SUGP2: variants seen among roughly 807,000 people sequenced by gnomAD.
SUGP2 encodes the protein SURP and G-patch domain-containing protein 2.
A neutral mutation model predicts 90.5 loss-of-function variants in SUGP2; 24 were observed. That is an observed-to-expected ratio of 0.27 (90% CI 0.19 to 0.37). SUGP2 has a LOEUF of 0.37. Ranked by LOEUF, SUGP2 falls within the 10% of genes least tolerant of loss-of-function variation. SUGP2 has a pLI of 1.00. For missense variants in SUGP2, 1,233 were observed against 1,363.3 expected, an observed-to-expected ratio of 0.90 and a Z score of 1.51; for synonymous variants, 473 against 513.4, an observed-to-expected ratio of 0.92 and a Z score of 1.06.
In SUGP2 at chr19:19,025,658, C is replaced by G; in HGVS notation, c.690G>C (p.Glu230Asp). The change falls in exon 3 of 11, where the codon GAG (glutamate) becomes GAC (aspartate). Residue 230 changes from glutamate to aspartate, a missense_variant. Physicochemically the swap from Glu to Asp is conservative, Grantham distance 45. This residue lies in a region of SUGP2 where 418 missense variants were observed against 399.9 expected (regional missense o/e 1.05). Coordinates refer to ENST00000452918, the MANE Select transcript of SUGP2 (RefSeq NM_001017392.5). ...CCTTAGCTGTGAGCAGGCCCTGAGT[C>G]TCCCCCTTTCCTAGGAGGGAACCTT... ...DQEGSLLGKGETQGLLTAKGG... is the reference protein window; with the variant it reads ...DQEGSLLGKGDTQGLLTAKGG... The G allele has an allele frequency of 6.2e-7, 1 of 1,614,030 alleles. No individual in the cohort carries two copies. The highest frequency in any genetic ancestry group is 2.2e-5 in the East Asian group (1 of 44,878).
intron 6 of SUGP2, among the ~76,000 whole-genome samples, chr19:19,006,293 T>A (rs2058076816): frequency 6.6e-6 from 1 of 152,142 alleles, no homozygotes. Flanking sequence ...ATGAATTAAC[T>A]CAATAAGCTT....
At chr19:19,005,476 G>A (rs2058027527) in intron 6 of SUGP2, among the ~76,000 whole-genome samples, 1 of 151,894 alleles carries the variant, frequency 6.6e-6, no homozygotes, top group South Asian at 2.1e-4. Context: ...ACTCATAAGG[G>A]GTTCCAGCCC....
intron 2 of SUGP2, among the ~76,000 whole-genome samples, chr19:19,029,077 C>CTTCCTG (rs1356068853): frequency 6.6e-6 from 1 of 152,150 alleles, no homozygotes; most frequent in Non-Finnish European, 1.5e-5. Context: ...TTCCTGGGCA[C>CTTCCTG]AAGCGAACTT....
At chr19:19,011,757 G>A (rs1022674767) in intron 4 of SUGP2, among the ~76,000 whole-genome samples, 1 of 152,152 alleles carries the variant, frequency 6.6e-6, no homozygotes, top group Non-Finnish European at 1.5e-5. Context: ...AGCACTTTGG[G>A]AGGCGGAAGC....
At position 19,026,151 on chromosome 19, in the gene SUGP2, C is replaced by CT. The variant is rs1328563623; in HGVS notation, c.196dup (p.Ser66LysfsTer8). The CT allele has an allele frequency of 6.2e-7, 1 of 1,613,748 alleles. No homozygotes were observed. Among genetic ancestry groups the CT allele is most frequent in the Admixed American group, 1.7e-5 (1 of 59,948 alleles). On this transcript the variant is annotated frameshift_variant, in exon 3 of 11. Coordinates refer to ENST00000452918, the MANE Select transcript of SUGP2 (RefSeq NM_001017392.5). LOFTEE classifies it high-confidence loss of function. ...ATCTCTAGAGTGAGCTACAGATCCA[C>CT]TGAGGGAGTATCTGCCATCGCTGTG...
chr19:19,025,122 T>A lies in SUGP2; in HGVS notation c.1226A>T (p.Lys409Ile). 6.2e-7 allele frequency: 1 copy of A among 1,613,750 alleles called. No homozygotes were observed. Among genetic ancestry groups the A allele is most frequent in the South Asian group, 1.1e-5 (1 of 90,950 alleles). The change falls in exon 3 of 11, where the codon AAA (lysine) becomes ATA (isoleucine). Residue 409 changes from lysine (K) to isoleucine (I), a missense_variant. By Grantham distance (102) the Lys-to-Ile change is moderately radical. Coordinates refer to ENST00000452918, the MANE Select transcript of SUGP2 (RefSeq NM_001017392.5). The stretch of plus-strand genomic sequence containing the variant: ...GCAATTTTTGGTCTTCACAGCACCT[T>A]TGTCTAAAAGCATGTTTAAAAACTC... ...DNEFLNMLLDKGAVKTKNCFF... is the reference protein window; with the variant it reads ...DNEFLNMLLDIGAVKTKNCFF...
chr19:19,020,066 T>A (rs200231317), intron 3 of SUGP2, among the ~76,000 whole-genome samples: 8,247 of 92,556 alleles, frequency 0.089, 317 homozygotes, highest in African/African-American at 0.11. Flanking sequence ...AAAAAATAAA[T>A]AAATAAATAA....
intron 3 of SUGP2, among the ~76,000 whole-genome samples, chr19:19,022,454 G>A (rs1233352721): frequency 6.6e-6 from 1 of 152,202 alleles, no homozygotes; most frequent in East Asian, 1.9e-4. Flanking sequence ...AAGGCAGCAT[G>A]AGTCCAGCAT....
intron 4 of SUGP2, among the ~76,000 whole-genome samples, chr19:19,013,075 C>T (rs2058365003): frequency 6.6e-6 from 1 of 152,138 alleles, no homozygotes; most frequent in South Asian, 2.1e-4. Flanking sequence ...CCATGTTGGC[C>T]AGGCTGGTCT....
chr19:19,005,883 ACACACACAC>A (rs879729014), intron 6 of SUGP2, among the ~76,000 whole-genome samples: 5,184 of 24,396 alleles, frequency 0.21, 260 homozygotes, highest in East Asian at 0.49. Context: ...ACACACACAC[ACACACACAC>A]CACACACACA....
At position 18,992,800 on chromosome 19, in the gene SUGP2, C is replaced by T. The variant is rs992898874; in HGVS notation, c.*941G>A. On this transcript the variant is annotated 3_prime_UTR_variant, in exon 11 of 11. Coordinates refer to ENST00000452918, the MANE Select transcript of SUGP2 (RefSeq NM_001017392.5). ...TTTTTGCCCATACTTAAAACTTCAACGATCCTGCTTCACAAGGAAGGATGA... is the reference window on the plus strand; with the variant it reads ...TTTTTGCCCATACTTAAAACTTCAATGATCCTGCTTCACAAGGAAGGATGA... 4 of 152,116 alleles carry T rather than the reference C, an allele frequency of 2.6e-5. No homozygotes were observed. Among genetic ancestry groups the T allele is most frequent in the African/African-American group, 7.2e-5 (3 of 41,394 alleles). 9.4% of individuals were successfully genotyped at this position (152,116 alleles called of 1,614,324 possible). A position where few individuals can be genotyped will look rare whatever the true frequency, so the allele number is the denominator to read the frequency against.
At chr19:19,020,302 G>A (rs1013112304) in intron 3 of SUGP2, among the ~76,000 whole-genome samples, 15 of 151,440 alleles carry the variant, frequency 9.9e-5, no homozygotes, top group Admixed American at 2.0e-4. Flanking sequence ...CATGGTGGCG[G>A]GCGCCTGTAG....
Position 19,010,016 on chromosome 19 carries a change from G to T in SUGP2, c.2177C>A (p.Ser726Tyr), listed in dbSNP as rs1396421857. 1 of 1,614,176 alleles carries T rather than the reference G, an allele frequency of 6.2e-7. No individual in the cohort carries two copies. ...GGCAGCATCATTTCTGTCTGGCAGG[G>T]ATGGTTTTGCCTGTGAGAGGCCTGG... is the stretch of plus-strand genomic sequence containing the variant. ...QAPGLSQAKP[S>Y]LPDRNDAAKD... Residue 726 changes from serine to tyrosine, a missense_variant, in exon 5 of 11, where the codon TCC (serine) becomes TAC (tyrosine). This residue lies in a region of SUGP2 where 540 missense variants were observed against 542.6 expected (regional missense o/e 1.00). Transcript: ENST00000452918.
rs1325338283 is a variant in SUGP2, at chr19:18,992,066, T to C, written c.*1675A>G. On this transcript the variant is annotated 3_prime_UTR_variant, in exon 11 of 11. Transcript: ENST00000452918. ...AGAAAGCCAGGATTTCCTTTTTTTTTTTTGAGACAGAGTCTCGCTCTGTTG... is the reference window on the plus strand; with the variant it reads ...AGAAAGCCAGGATTTCCTTTTTTTTCTTTGAGACAGAGTCTCGCTCTGTTG... 6.6e-6 allele frequency: 1 copy of C among 152,126 alleles called. No homozygotes were observed. The highest frequency in any genetic ancestry group is 1.5e-5 in the Non-Finnish European group (1 of 68,080). 9.4% of individuals were successfully genotyped at this position (152,126 alleles called of 1,614,324 possible).
chr19:19,026,153 G>A lies in SUGP2; in HGVS notation c.195C>T (p.Leu65=), dbSNP rs976773409. 6.2e-7 allele frequency: 1 copy of A among 1,613,746 alleles called. No individual in the cohort carries two copies. Residue 65 remains leucine, a synonymous_variant, in exon 3 of 11, where the codon CTC becomes CTT. Coordinates refer to ENST00000452918, the MANE Select transcript of SUGP2 (RefSeq NM_001017392.5). The part of the protein sequence containing the change: ...DDVHSDGRYS[L]SGSVAHSRDA... ...CTCTAGAGTGAGCTACAGATCCACT[G>A]AGGGAGTATCTGCCATCGCTGTGGA...
At chr19:19,032,279 C>T (rs1268340829) in intron 1 of SUGP2, among the ~76,000 whole-genome samples, 1 of 151,994 alleles carries the variant, frequency 6.6e-6, no homozygotes, top group Non-Finnish European at 1.5e-5. Flanking sequence ...CTGCCTCAGC[C>T]TCCTGAGTAG....
chr19:19,019,091 G>C lies in SUGP2; in HGVS notation c.1850+18C>G. On this transcript the variant is annotated intron_variant, in intron 4 of 10. Transcript: ENST00000452918. The stretch of plus-strand genomic sequence containing the variant: ...ACTCCATGAGAGGGATTCACAGCGT[G>C]GACATTTAAAGACCTACCAGTAAGC... The C allele has an allele frequency of 6.2e-7, 1 of 1,608,956 alleles. No individual in the cohort carries two copies. Among genetic ancestry groups the C allele is most frequent in the Non-Finnish European group, 8.5e-7 (1 of 1,175,866 alleles).
intron 5 of SUGP2, 48 bp from the exon 6 acceptor site, chr19:19,008,476 C>T: frequency 6.8e-7 from 1 of 1,467,928 alleles, no homozygotes; most frequent in Non-Finnish European, 9.6e-7. Context: ...AGCTGCTGCT[C>T]CCCGTGTAAA....
chr19:19,017,159 T>C (rs2058529346), intron 4 of SUGP2, among the ~76,000 whole-genome samples: 1 of 152,194 alleles, frequency 6.6e-6, no homozygotes, highest in Non-Finnish European at 1.5e-5. Context: ...CATTGCAGCC[T>C]GGGCAACAGA....
Sources: allele counts gnomAD v4.1 joint callset (sites outside exome capture counted in the v4.1 genomes callset), GRCh38; gene constraint gnomAD v4.1.1; regional missense constraint gnomAD v4.1.1; transcripts MANE v1.5; gene names NCBI Gene and HGNC (gene_info 2026-07-23, HGNC 2026-07-21).